The following LVRN variants were observed in gnomAD, a reference collection of about 807,000 sequenced individuals.
The protein encoded by LVRN is aminopeptidase Q.
Under a neutral mutation model 111.4 loss-of-function variants are expected in LVRN, and 99 were observed. The ratio of observed to expected loss-of-function variants is 0.89; its 90% CI spans 0.76 to 1.05. The LOEUF is 1.05. LVRN is among the 50% of genes least tolerant of loss of function. LVRN has a pLI of 0.00. For synonymous variants in LVRN, 488 were observed against 449.5 expected (o/e 1.09, Z -1.08); for missense variants, 1,414 against 1,206.8 (o/e 1.17, Z -2.54).
intron 1 of LVRN, among the ~76,000 whole-genome samples, chr5:115,965,230 T>A (rs569922781): frequency 2.0e-5 from 3 of 152,284 alleles, no homozygotes; most frequent in African/African-American, 7.2e-5. Flanking sequence ...ACGCAGAACC[T>A]GCCAAGTTCC....
chr5:116,015,577 CTCTT>C (rs1303443858), intron 17 of LVRN, 47 bp from the exon 18 acceptor site: 5 of 1,554,344 alleles, frequency 3.2e-6, no homozygotes, highest in Non-Finnish European at 4.3e-6. Context: ...TTTAAATTAA[CTCTT>C]TATGTTGGAT....
At position 116,001,058 on chromosome 5, in the gene LVRN, T is replaced by G; in HGVS notation, c.1648-9T>G. ...CCTTACCTGCCTTTGTGGTGATTTT[T>G]TAAAACAGGCCATAGATGACCAGAG... On this transcript the variant is annotated splice_polypyrimidine_tract_variant and intron_variant, in intron 9 of 19. Transcript: ENST00000357872. 2 of 1,576,628 alleles carry G rather than the reference T, an allele frequency of 1.3e-6. No homozygotes were observed. The highest frequency in any genetic ancestry group is 2.1e-5 in the Admixed American group (1 of 47,762).
intron 1 of LVRN, among the ~76,000 whole-genome samples, chr5:115,968,867 A>G (rs1753259546): frequency 6.6e-6 from 1 of 152,154 alleles, no homozygotes; most frequent in Non-Finnish European, 1.5e-5. Context: ...TATGCAATTA[A>G]ACAAAGTCCC....
chr5:115,974,677 C>A, intron 1 of LVRN: 1 of 163,002 alleles, frequency 6.1e-6, no homozygotes, highest in Non-Finnish European at 1.3e-5. Flanking sequence ...TTTCTAGTCA[C>A]ACGTGTAATT....
chr5:116,005,553 C>T (rs1748343947), intron 12 of LVRN, among the ~76,000 whole-genome samples: 1 of 152,196 alleles, frequency 6.6e-6, no homozygotes, highest in Non-Finnish European at 1.5e-5. Flanking sequence ...AAAAACATCC[C>T]TGAAAATAAT....
intron 9 of LVRN, 36 bp downstream of exon 9, chr5:116,000,694 T>C: frequency 1.9e-6 from 3 of 1,601,256 alleles, no homozygotes; most frequent in Non-Finnish European, 2.6e-6. Flanking sequence ...TCTTGCTGAG[T>C]TGTTTTGTAT....
Position 116,014,405 on chromosome 5 carries a change from G to A in LVRN, c.2343-15G>A, listed in dbSNP as rs747884533. 6.3e-7 allele frequency: 1 copy of A among 1,594,050 alleles called. No individual in the cohort carries two copies. The highest frequency in any genetic ancestry group is 8.6e-7 in the Non-Finnish European group (1 of 1,164,700). ...AATGCAAAATAAACTGTTTTTCTTT[G>A]ACTTTTTCTTCAAGAATATCACTGG... is the stretch of plus-strand genomic sequence containing the variant. On this transcript the variant is annotated splice_polypyrimidine_tract_variant and intron_variant, in intron 15 of 19. Coordinates refer to ENST00000357872, the MANE Select transcript of LVRN (RefSeq NM_173800.5).
intron 13 of LVRN, among the ~76,000 whole-genome samples, chr5:116,006,674 C>T (rs1365328160): frequency 2.0e-5 from 3 of 152,148 alleles, no homozygotes; most frequent in South Asian, 2.1e-4. Flanking sequence ...ACATTACTTT[C>T]TTCTATCTTT....
chr5:115,982,118 C>A (rs550684448), intron 1 of LVRN, among the ~76,000 whole-genome samples: 7 of 152,220 alleles, frequency 4.6e-5, no homozygotes, highest in African/African-American at 1.7e-4. Context: ...TGGGCAAGAG[C>A]AAGTAAGCCA....
chr5:115,971,725 G>A (rs1169289635), intron 1 of LVRN, among the ~76,000 whole-genome samples: 1 of 151,848 alleles, frequency 6.6e-6, no homozygotes, highest in Non-Finnish European at 1.5e-5. Flanking sequence ...CTGTAGCTTT[G>A]TAATACATCT....
At chr5:116,024,040 T>C (rs920925291) in intron 19 of LVRN, among the ~76,000 whole-genome samples, 33 of 152,282 alleles carry the variant, frequency 2.2e-4, no homozygotes, top group African/African-American at 7.7e-4. Context: ...ACATTCTGGG[T>C]AATGCAAATG....
At chr5:116,002,804 GTAAC>G (rs770722483) in intron 10 of LVRN, 27 bp from the exon 11 acceptor site, 17 of 1,499,220 alleles carry the variant, frequency 1.1e-5, no homozygotes, top group Admixed American at 1.8e-5. Context: ...TGTGTGAAAA[GTAAC>G]TAATTTTTTT....
chr5:115,965,858 T>G (rs1322730159), intron 1 of LVRN, among the ~76,000 whole-genome samples: 3 of 152,200 alleles, frequency 2.0e-5, no homozygotes, highest in African/African-American at 7.2e-5. Flanking sequence ...CATGCAGAAC[T>G]GTGAGTCAAT....
At position 115,967,643 on chromosome 5, in the gene LVRN, T is replaced by A. The variant is rs10050821; in HGVS notation, c.695+4331T>A. On this transcript the variant is annotated intron_variant, in intron 1 of 19. Transcript: ENST00000357872. ...TATATATAGCTACTAAAAATCTTAT[T>A]AGGATTTTGATAGGACCTATGTTAA... 1.5e-3 allele frequency among the ~76,000 whole-genome samples: 234 copies of A among 152,322 alleles called. 1 individual carries two copies. The highest frequency in any genetic ancestry group is 5.3e-3 in the African/African-American group (222 of 41,588).
intron 4 of LVRN, among the ~76,000 whole-genome samples, chr5:115,991,238 T>C (rs934697249): frequency 1.2e-4 from 19 of 152,154 alleles, no homozygotes; most frequent in African/African-American, 4.1e-4. Context: ...CAACCACCAA[T>C]CTTTTTATTA....
At chr5:116,025,925 T>C in intron 19 of LVRN, 53 bp from the exon 20 acceptor site, 1 of 1,599,252 alleles carries the variant, frequency 6.3e-7, no homozygotes, top group East Asian at 2.2e-5. Context: ...ACATTTACTT[T>C]GTCCAAATGG....
intron 9 of LVRN, among the ~76,000 whole-genome samples, 160 bp from the exon 10 acceptor site, chr5:116,000,907 T>C (rs1329261388): frequency 2.0e-5 from 3 of 152,230 alleles, no homozygotes; most frequent in African/African-American, 7.2e-5. Context: ...GAACCATTCA[T>C]ATATAAACAG....
intron 12 of LVRN, chr5:116,005,700 T>C (rs2112613764): frequency 4.8e-6 from 3 of 622,488 alleles, no homozygotes; most frequent in Non-Finnish European, 8.9e-6. Context: ...ACCTTATGAT[T>C]GATGTCCAGA....
At chr5:115,977,773 A>G (rs74975644) in intron 1 of LVRN, among the ~76,000 whole-genome samples, 1,569 of 152,222 alleles carry the variant, frequency 0.01, 85 homozygotes, top group East Asian at 0.082. Flanking sequence ...ACATCTGTCA[A>G]TTAAGATGGT....
Sources: gnomAD v4.1 joint callset for allele counts (sites outside exome capture counted in the v4.1 genomes callset) on GRCh38, gnomAD v4.1.1 for gene constraint, MANE v1.5 for transcripts, NCBI Gene and HGNC (gene_info 2026-07-23, HGNC 2026-07-21) for gene names.